Variants in NRXN1 observed in about 807,000 individuals in gnomAD.
NRXN1 encodes the protein neurexin 1, also known as neurexin-1.
In NRXN1, 39 loss-of-function variants were observed where a neutral mutation model predicts 150.9. That is an observed-to-expected ratio of 0.26 (90% CI 0.20 to 0.34). The LOEUF is 0.34. Among genes scored for constraint, NRXN1 ranks in the 10% least tolerant of loss-of-function variants. NRXN1 has a pLI of 1.00. For synonymous variants in NRXN1, 924 were observed against 757.0 expected, an observed-to-expected ratio of 1.22 and a Z score of -3.62; for missense variants, 1,815 against 1,949.9, an observed-to-expected ratio of 0.93 and a Z score of 1.30.
At chr2:50,522,098 G>C (rs910969032) in intron 12 of NRXN1, among the ~76,000 whole-genome samples, 1 of 152,068 alleles carries the variant, frequency 6.6e-6, no homozygotes, top group Admixed American at 6.5e-5. Flanking sequence ...AAGGAAGGAA[G>C]AGAAGAAACT....
chr2:50,797,224 A>G (rs1464293932), intron 5 of NRXN1, among the ~76,000 whole-genome samples: 3 of 152,190 alleles, frequency 2.0e-5, no homozygotes, highest in African/African-American at 7.2e-5. Context: ...TTATTGTTAT[A>G]TGGAAGCTGA....
chr2:50,417,644 A>C (rs1458450192), intron 17 of NRXN1, among the ~76,000 whole-genome samples: 1 of 151,916 alleles, frequency 6.6e-6, no homozygotes, highest in Non-Finnish European at 1.5e-5. Flanking sequence ...AATTCTAAAT[A>C]AGTGTGAAAA....
At chr2:50,922,001 C>T (rs1486217800) in intron 4 of NRXN1, 121 bp from the exon 5 acceptor site, 6 of 489,262 alleles carry the variant, frequency 1.2e-5, no homozygotes, top group African/African-American at 4.0e-5. Flanking sequence ...GAAAATTAAA[C>T]AAGACATGAA....
chr2:50,166,277 G>C (rs932581469), intron 18 of NRXN1, among the ~76,000 whole-genome samples: 12 of 116,642 alleles, frequency 1.0e-4, no homozygotes, highest in African/African-American at 3.8e-4. Context: ...AGTACTCAAC[G>C]TATGTGTGTG....
chr2:50,653,328 T>C (rs1685913217), intron 5 of NRXN1, among the ~76,000 whole-genome samples: 1 of 152,056 alleles, frequency 6.6e-6, no homozygotes. Flanking sequence ...GGAAGTAACA[T>C]ACAGAAACAA....
intron 5 of NRXN1, among the ~76,000 whole-genome samples, chr2:50,670,397 T>C (rs924440493): frequency 1.2e-4 from 13 of 106,160 alleles, no homozygotes; most frequent in Non-Finnish European, 1.9e-4. Flanking sequence ...TCTGTTTTTA[T>C]TGTAACGTAA....
At chr2:50,115,383 A>T (rs147412195) in intron 18 of NRXN1, among the ~76,000 whole-genome samples, 1 of 151,860 alleles carries the variant, frequency 6.6e-6, no homozygotes, top group South Asian at 2.1e-4. Context: ...ACGTAATACC[A>T]ACAGGAATCA....
At chr2:50,926,256 G>A (rs1686871317) in intron 2 of NRXN1, among the ~76,000 whole-genome samples, 1 of 151,854 alleles carries the variant, frequency 6.6e-6, no homozygotes. Flanking sequence ...ACATGTTGCT[G>A]GTGTGGTCTT....
At chr2:50,779,537 G>A (rs557580366) in intron 5 of NRXN1, among the ~76,000 whole-genome samples, 28 of 152,278 alleles carry the variant, frequency 1.8e-4, no homozygotes, top group African/African-American at 6.5e-4. Context: ...GGGAGGCCAA[G>A]GCGGGTGGAT....
chr2:50,748,063 T>C (rs1252621175), intron 5 of NRXN1, among the ~76,000 whole-genome samples: 1 of 152,152 alleles, frequency 6.6e-6, no homozygotes, highest in Non-Finnish European at 1.5e-5. Flanking sequence ...TCCCTTAGTA[T>C]TCAAAACAAC....
intron 8 of NRXN1, among the ~76,000 whole-genome samples, chr2:50,573,299 G>C (rs1356185448): frequency 2.0e-5 from 3 of 151,806 alleles, no homozygotes; most frequent in Admixed American, 6.6e-5. Flanking sequence ...TGGGGTTAAG[G>C]CTGCAATGAA....
chr2:50,224,673 AAGAG>A (rs1025736933), intron 18 of NRXN1, among the ~76,000 whole-genome samples: 4 of 140,334 alleles, frequency 2.9e-5, no homozygotes, highest in Admixed American at 7.2e-5. Context: ...CAGAAGATTA[AAGAG>A]AGAGAGAGAG....
At chr2:50,243,486 C>A (rs767782719) in intron 17 of NRXN1, among the ~76,000 whole-genome samples, 2 of 151,494 alleles carry the variant, frequency 1.3e-5, no homozygotes, top group Non-Finnish European at 3.0e-5. Flanking sequence ...AAGTCAAATG[C>A]AAACTGAGCA....
intron 17 of NRXN1, among the ~76,000 whole-genome samples, chr2:50,329,389 A>G (rs2076594701): frequency 2.0e-5 from 3 of 151,470 alleles, no homozygotes; most frequent in Admixed American, 2.0e-4. Context: ...AAGGACTGAA[A>G]ATAATAATTG....
intron 17 of NRXN1, among the ~76,000 whole-genome samples, chr2:50,379,544 G>C (rs1051806297): frequency 6.6e-6 from 1 of 152,172 alleles, no homozygotes; most frequent in African/African-American, 2.4e-5. Flanking sequence ...ATAAAAGAGA[G>C]AGAGGGAGAG....
chr2:50,380,629 A>C (rs1160562475), intron 17 of NRXN1, among the ~76,000 whole-genome samples: 1 of 152,112 alleles, frequency 6.6e-6, no homozygotes, highest in Non-Finnish European at 1.5e-5. Flanking sequence ...TGAGGATTGA[A>C]TAATGTGCCT....
chr2:50,674,108 A>G (rs867807832), intron 5 of NRXN1, among the ~76,000 whole-genome samples: 1 of 152,114 alleles, frequency 6.6e-6, no homozygotes, highest in African/African-American at 2.4e-5. Context: ...AAAAAAAAGG[A>G]AAGTAACTCA....
chr2:50,274,219 C>T (rs2070107993), intron 17 of NRXN1, among the ~76,000 whole-genome samples: 1 of 152,156 alleles, frequency 6.6e-6, no homozygotes, highest in Admixed American at 6.6e-5. Flanking sequence ...AGTTCATGCC[C>T]TTCACAGGGA....
intron 5 of NRXN1, among the ~76,000 whole-genome samples, chr2:50,841,361 G>T (rs145176910): frequency 6.6e-6 from 1 of 152,150 alleles, no homozygotes; most frequent in Non-Finnish European, 1.5e-5. Flanking sequence ...GCTACTTGCA[G>T]AAGTCAAAGT....
Sources: allele counts gnomAD v4.1 joint callset (sites outside exome capture counted in the v4.1 genomes callset), GRCh38; gene constraint gnomAD v4.1.1; transcripts MANE v1.5; gene names NCBI Gene and HGNC (gene_info 2026-07-23, HGNC 2026-07-21).